Variants in JAG2 observed in about 807,000 individuals in gnomAD.
JAG2 encodes the protein protein jagged-2.
Under a neutral mutation model 141.7 loss-of-function variants are expected in JAG2, and 46 were observed. That is an observed-to-expected ratio of 0.32 (90% CI 0.26 to 0.42). The LOEUF (loss-of-function observed/expected upper bound fraction) is 0.42, where lower values mean the gene tolerates loss of function less well. Among genes scored for constraint, JAG2 ranks in the 10% least tolerant of loss-of-function variants. The pLI is 1.00. For missense variants in JAG2, 1,500 were observed against 1,817.5 expected (o/e 0.83, Z 3.18); for synonymous variants, 862 against 763.5 (o/e 1.13, Z -2.13).
chr14:105,167,842 G>A lies in JAG2; in HGVS notation c.332C>T (p.Ala111Val). 1.3e-6 allele frequency: 2 copies of A among 1,509,200 alleles called. No individual in the cohort carries two copies. The highest frequency in any genetic ancestry group is 2.2e-5 in the Admixed American group (1 of 45,636). 93.5% of individuals were successfully genotyped at this position (1,509,200 alleles called of 1,614,324 possible). Residue 111 changes from alanine (A) to valine (V), a missense_variant, in exon 2 of 26, where the codon GCG (alanine) becomes GTG (valine). Around this residue, in one of 3 missense-constraint regions of JAG2, gnomAD observed 200 missense variants for 174.3 expected, o/e 1.15. Coordinates refer to ENST00000331782, the MANE Select transcript of JAG2 (RefSeq NM_002226.5). This position sits in a 1 kb window ranked among gnomAD's most constrained non-coding sequence, Gnocchi z 4.8. ...NSFYLPPAGAAGDRARARARA... is the reference protein window; with the variant it reads ...NSFYLPPAGAVGDRARARARA... ...GGCCCGCGCCCGCGCTCGGTCCCCC[G>A]CAGCGCCCGCCGGCGGCAGGTAGAA... is the stretch of plus-strand genomic sequence containing the variant.
chr14:105,143,370 G>T, intron 25 of JAG2, 112 bp downstream of exon 25: 1 of 1,379,858 alleles, frequency 7.2e-7, no homozygotes, highest in Non-Finnish European at 9.9e-7. Flanking sequence ...GCAGGTGCCA[G>T]GGACTTCTGT....
Position 105,144,959 on chromosome 14 carries a change from A to T in JAG2, c.3055T>A (p.Ser1019Thr). Residue 1019 changes from serine (S) to threonine (T), a missense_variant, in exon 24 of 26, where the codon TCG becomes ACG. Coordinates refer to ENST00000331782, the MANE Select transcript of JAG2 (RefSeq NM_002226.5). ...GCCACCTCCACAGCACTGGCCCCCGAGGACGCCCGGTCGCAAAGCAACACC... is the reference window on the plus strand; with the variant it reads ...GCCACCTCCACAGCACTGGCCCCCGTGGACGCCCGGTCGCAAAGCAACACC... ...LLVLLCDRAS[S>T]GASAVEVAVS... The T allele has an allele frequency of 6.2e-7, 1 of 1,603,986 alleles. No individual in the cohort carries two copies. Among genetic ancestry groups the T allele is most frequent in the Non-Finnish European group, 8.5e-7 (1 of 1,177,998 alleles).
chr14:105,149,852 G>A (rs1414865441), intron 12 of JAG2, among the ~76,000 whole-genome samples: 2 of 83,484 alleles, frequency 2.4e-5, no homozygotes, highest in African/African-American at 4.9e-5. Context: ...GGAGGGGGTG[G>A]TAGGGAGGCA....
intron 2 of JAG2, among the ~76,000 whole-genome samples, chr14:105,160,514 C>A (rs1888716239): frequency 6.6e-6 from 1 of 151,750 alleles, no homozygotes; most frequent in African/African-American, 2.4e-5. Context: ...AGGACGGCAA[C>A]CTATAGCCAG....
At position 105,142,950 on chromosome 14, in the gene JAG2, G is replaced by T. The variant is rs1888105320; in HGVS notation, c.3462C>A (p.Phe1154Leu). ...HKDVLYQCKN[F>L]TPPPRRADEA... is the part of the protein sequence containing the mutation. Reference sequence around the variant, plus strand: ...CGTCCGCCCTGCGCGGCGGCGGCGTGAAGTTCTTGCACTGGTAGAGCACGT... The same window carrying T: ...CGTCCGCCCTGCGCGGCGGCGGCGTTAAGTTCTTGCACTGGTAGAGCACGT... The change falls in exon 26 of 26, where the codon TTC (phenylalanine) becomes TTA (leucine). Residue 1154 changes from phenylalanine (F) to leucine (L), a missense_variant. Physicochemically the swap from Phe to Leu is conservative, Grantham distance 22 (BLOSUM62 0). Around this residue, in one of 3 missense-constraint regions of JAG2, gnomAD observed 425 missense variants for 441.0 expected, o/e 0.96. Transcript: ENST00000331782. 2 of 1,609,476 alleles carry T rather than the reference G, an allele frequency of 1.2e-6. No individual in the cohort carries two copies. Among genetic ancestry groups the T allele is most frequent in the East Asian group, 4.5e-5 (2 of 44,778 alleles).
At chr14:105,151,866 TG>T in intron 7 of JAG2, 71 bp downstream of exon 7, 2 of 1,610,320 alleles carry the variant, frequency 1.2e-6, no homozygotes, top group Non-Finnish European at 8.5e-7. Context: ...GCCAGAGGGA[TG>T]GGGCCTGACC....
Position 105,146,605 on chromosome 14 carries a change from G to A in JAG2, c.2593+6C>T. On this transcript the variant is annotated splice_donor_region_variant and intron_variant, in intron 21 of 25. Coordinates refer to ENST00000331782, the MANE Select transcript of JAG2 (RefSeq NM_002226.5). ...CCCCAACCCAGGGCAATCACACGGG[G>A]CCTACCTTCCTGGCACCGGGGGCCG... The A allele has an allele frequency of 6.2e-7, 1 of 1,611,732 alleles. No individual in the cohort carries two copies. Among genetic ancestry groups the A allele is most frequent in the Non-Finnish European group, 8.5e-7 (1 of 1,179,052 alleles).
Position 105,146,446 on chromosome 14 carries a change from C to T in JAG2, c.2648G>A (p.Ser883Asn). 3 of 1,612,754 alleles carry T rather than the reference C, an allele frequency of 1.9e-6. No individual in the cohort carries two copies. In the South Asian group the frequency reaches 3.3e-5, roughly 18 times the overall value. Residue 883 changes from serine to asparagine, a missense_variant, in exon 22 of 26, where the codon AGC becomes AAC. Physicochemically the swap from Ser to Asn is conservative, Grantham distance 46 (BLOSUM62 1). Transcript: ENST00000331782. ...WSRGTPFPHG[S>N]SWVEDCNSCR... ...GCTGTTGCAGTCTTCCACCCAGGAG[C>T]TTCCGTGTGGGAACGGAGTGCCCCG...
rs1466189886 is a variant in JAG2, at chr14:105,168,520, C to T, written c.-100G>A. 1.1e-5 allele frequency: 2 copies of T among 188,514 alleles called. No homozygotes were observed. The highest frequency in any genetic ancestry group is 1.9e-5 in the Non-Finnish European group (2 of 104,988). 11.7% of individuals were successfully genotyped at this position (188,514 alleles called of 1,614,324 possible). A position where few individuals can be genotyped will look rare whatever the true frequency, so the allele number is the denominator to read the frequency against. ...AGCGCCCGCCCGCCCTCCGAGCGCC[C>T]GCAGAGGCAGCGGCAGCGGCAGAGG... On this transcript the variant is annotated 5_prime_UTR_variant, in exon 1 of 26. Transcript: ENST00000331782.
intron 23 of JAG2, 145 bp from the exon 24 acceptor site, chr14:105,145,206 C>T: frequency 8.8e-7 from 1 of 1,132,322 alleles, no homozygotes; most frequent in Non-Finnish European, 1.3e-6. Flanking sequence ...CCTGGGGGGG[C>T]AGCTTCCCAC....
Position 105,167,917 on chromosome 14 carries a change from C to G in JAG2, c.257G>C (p.Gly86Ala). 6.3e-7 allele frequency: 1 copy of G among 1,597,352 alleles called. No individual in the cohort carries two copies. Among genetic ancestry groups the G allele is most frequent in the Non-Finnish European group, 8.5e-7 (1 of 1,175,436 alleles). Residue 86 changes from glycine to alanine, a missense_variant, in exon 2 of 26, where the codon GGG (glycine) becomes GCG (alanine). This residue lies in a region of JAG2 where 200 missense variants were observed against 174.3 expected (regional missense o/e 1.15). Transcript: ENST00000331782. This position sits in a 1 kb window ranked among gnomAD's most constrained non-coding sequence, Gnocchi z 4.8. The part of the protein sequence containing the change: ...KEYQAKVTPT[G>A]PCSYGHGATP... ...GGCGCCGTGGCCGTAGCTGCAGGGC[C>G]CCGTGGGCGTCACCTTGGCCTGGTA...
At chr14:105,151,584 T>G (rs373476148) in intron 8 of JAG2, 42 bp downstream of exon 8, 1 of 1,506,972 alleles carries the variant, frequency 6.6e-7, no homozygotes, top group Admixed American at 1.9e-5. Flanking sequence ...AGACCCCCAC[T>G]GATACTAGGC....
rs1217265449 is a variant in JAG2 at position 105,159,700 on chromosome 14, G to A, written c.418-1937C>T. ...CTCCCCAGGGCTCCATCCACACCCC[G>A]CAACATGCTCCATCCACACCCCCCC... On this transcript the variant is annotated intron_variant, in intron 2 of 25. Transcript: ENST00000331782. Among the ~76,000 whole-genome samples, 10 of 31,576 alleles carry A rather than the reference G, an allele frequency of 3.2e-4. No homozygotes were observed. In the South Asian group the frequency reaches 6.7e-3, roughly 21 times the overall value. 20.7% of individuals were successfully genotyped at this position (31,576 alleles called of 152,430 possible).
At chr14:105,150,553 C>T (rs1461877520) in intron 12 of JAG2, 51 bp downstream of exon 12, 2 of 1,515,786 alleles carry the variant, frequency 1.3e-6, no homozygotes, top group Non-Finnish European at 1.8e-6. Context: ...CGAGGCCTGC[C>T]CTACAGCTCC....
chr14:105,158,993 C>G (rs1888655265), intron 2 of JAG2, among the ~76,000 whole-genome samples: 4 of 152,020 alleles, frequency 2.6e-5, no homozygotes, highest in Admixed American at 1.3e-4. Context: ...CACGCACGTC[C>G]CAGTGCCTCG....
rs587696735 is a variant in JAG2, at chr14:105,151,314, G to A, written c.1236C>T (p.Pro412=). The A allele has an allele frequency of 6.2e-6, 10 of 1,612,648 alleles. No individual in the cohort carries two copies. The highest frequency in any genetic ancestry group is 5.3e-5 in the African/African-American group (4 of 75,048). The change falls in exon 9 of 26, where the codon CCC becomes CCT. Residue 412 remains proline, a synonymous_variant. Coordinates refer to ENST00000331782, the MANE Select transcript of JAG2 (RefSeq NM_002226.5). ...DQVDGFECIC[P]EQWVGATCQL... ...GGCAGGTGGCCCCCACCCACTGCTC[G>A]GGGCAGATGCACTCAAAGCCGTCCA...
Position 105,168,431 on chromosome 14 carries a change from ACCCG to A in JAG2, c.-15_-12del. 3 of 653,198 alleles carry A rather than the reference ACCCG, an allele frequency of 4.6e-6. No individual in the cohort carries two copies. Among genetic ancestry groups the A allele is most frequent in the Non-Finnish European group, 5.6e-6 (3 of 536,700 alleles). The allele number at this position is 653,198 out of a possible 1,614,324, so 40.5% of individuals were successfully genotyped here. A position where few individuals can be genotyped will look rare whatever the true frequency, so the allele number is the denominator to read the frequency against. ...GCCCTGCGCCCGCATTGCCCCCGCG[ACCCG>A]CCCGCCCGGCCCCGCCGCCGCCGCC... On this transcript the variant is annotated 5_prime_UTR_variant, in exon 1 of 26. Coordinates refer to ENST00000331782, the MANE Select transcript of JAG2 (RefSeq NM_002226.5).
At position 105,167,707 on chromosome 14, in the gene JAG2, G is replaced by A. The variant is rs1257485690; in HGVS notation, c.417+50C>T. The A allele has an allele frequency of 2.9e-6, 4 of 1,382,926 alleles. No individual in the cohort carries two copies. Among genetic ancestry groups the A allele is most frequent in the African/African-American group, 1.5e-5 (1 of 65,986 alleles). 85.7% of individuals were successfully genotyped at this position (1,382,926 alleles called of 1,614,324 possible). ...GGGTCGCGAAGCGCGCGGGGCCGGGGCGCGGAGAGAGAGGGAAGGGCTGGA... is the reference window on the plus strand; with the variant it reads ...GGGTCGCGAAGCGCGCGGGGCCGGGACGCGGAGAGAGAGGGAAGGGCTGGA... On this transcript the variant is annotated intron_variant, in intron 2 of 25. Transcript: ENST00000331782. The surrounding 1 kb of genome is among the most constrained non-coding windows in gnomAD (Gnocchi z 4.8).
In JAG2 at chr14:105,151,357, C is replaced by A. The variant is rs1448245264; in HGVS notation, c.1193G>T (p.Gly398Val). Residue 398 changes from glycine to valine, a missense_variant, in exon 9 of 26, where the codon GGC becomes GTC. Physicochemically the swap from Gly to Val is moderately radical, Grantham distance 109 (BLOSUM62 -3). Transcript: ENST00000331782. The stretch of plus-strand genomic sequence containing the variant: ...GCCGTCCACCTGGTCCACACAGGTG[C>A]CACCGGCCGCACACGGGTTCGAAGC... Reference protein sequence around the residue: ...ECASNPCAAGGTCVDQVDGFE... With the variant: ...ECASNPCAAGVTCVDQVDGFE... 6.2e-7 allele frequency: 1 copy of A among 1,612,376 alleles called. No individual in the cohort carries two copies. The highest frequency in any genetic ancestry group is 8.5e-7 in the Non-Finnish European group (1 of 1,179,980).
Sources: allele counts gnomAD v4.1 joint callset (sites outside exome capture counted in the v4.1 genomes callset), GRCh38; gene constraint gnomAD v4.1.1; regional missense constraint gnomAD v4.1.1; non-coding constraint Gnocchi (gnomAD v3.1); transcripts MANE v1.5; gene names NCBI Gene and HGNC (gene_info 2026-07-23, HGNC 2026-07-21).